Variants in ZYG11B observed in about 807,000 individuals in gnomAD.
ZYG11B encodes zyg-11 family member B, cell cycle regulator.
ZYG11B carries 36 observed loss-of-function variants against 82.4 expected under a neutral mutation model. The observed-to-expected ratio is 0.44, with a 90% CI of 0.33 to 0.58. ZYG11B has a LOEUF of 0.58. ZYG11B is among the 20% of genes least tolerant of loss of function. The pLI is 0.02. For missense variants in ZYG11B, 552 were observed against 895.6 expected, an observed-to-expected ratio of 0.62 and a Z score of 4.90; for synonymous variants, 303 against 312.8, an observed-to-expected ratio of 0.97 and a Z score of 0.33.
intron 12 of ZYG11B, among the ~76,000 whole-genome samples, chr1:52,814,655 G>A (rs1645209024): frequency 6.6e-6 from 1 of 151,948 alleles, no homozygotes; most frequent in African/African-American, 2.4e-5. Context: ...AGTTATGATT[G>A]CATCACTGCA....
intron 1 of ZYG11B, among the ~76,000 whole-genome samples, chr1:52,750,389 C>T (rs186499255): frequency 2.0e-4 from 31 of 152,200 alleles, no homozygotes; most frequent in Admixed American, 1.9e-3. Context: ...TCTCCTGCCT[C>T]AGCCTGCTGA....
intron 2 of ZYG11B, among the ~76,000 whole-genome samples, chr1:52,770,092 A>ATATAT (rs1553259758): frequency 2.7e-3 from 253 of 94,450 alleles, no homozygotes; most frequent in Middle Eastern, 0.023. Context: ...ATATATATAT[A>ATATAT]TTTTTTTTTT....
intron 3 of ZYG11B, among the ~76,000 whole-genome samples, chr1:52,777,134 C>T (rs1409055286): frequency 1.3e-5 from 2 of 151,834 alleles, no homozygotes; most frequent in African/African-American, 4.8e-5. Context: ...TGCTTGAACC[C>T]GGGAAGTAGA....
At chr1:52,727,330 C>G (rs112713636) in intron 1 of ZYG11B, among the ~76,000 whole-genome samples, 2,055 of 152,190 alleles carry the variant, frequency 0.014, 54 homozygotes, top group African/African-American at 0.048. Context: ...TTGCTTCTTC[C>G]TTTTCGTTTT....
intron 1 of ZYG11B, among the ~76,000 whole-genome samples, chr1:52,730,969 T>TA (rs1271289258): frequency 5.3e-5 from 8 of 151,896 alleles, no homozygotes; most frequent in Non-Finnish European, 1.0e-4. Context: ...TTGTAGGAGT[T>TA]ATGTAAAGAA....
chr1:52,771,159 C>T lies in ZYG11B; in HGVS notation c.336C>T (p.Ala112=). Residue 112 remains alanine, a synonymous_variant, in exon 3 of 14, where the codon GCC becomes GCT. Transcript: ENST00000294353. This position sits in a 1 kb window ranked among gnomAD's most constrained non-coding sequence, Gnocchi z 5.4. The part of the protein sequence containing the change: ...FCHHKLVELD[A]TGVNADITIT... Reference sequence around the variant, plus strand: ...ACCACAAGTTAGTGGAACTTGATGCCACAGGTGTGAATGCTGATATCACGA... The same window carrying T: ...ACCACAAGTTAGTGGAACTTGATGCTACAGGTGTGAATGCTGATATCACGA... 2.5e-6 allele frequency: 4 copies of T among 1,614,168 alleles called. No homozygotes were observed. The South Asian group carries it at 3.3e-5, about 13-fold the overall frequency.
chr1:52,820,649 C>A (rs1428814474), intron 13 of ZYG11B, among the ~76,000 whole-genome samples: 2 of 141,352 alleles, frequency 1.4e-5, no homozygotes, highest in African/African-American at 5.3e-5. Flanking sequence ...TGCAGTGAGC[C>A]ATGATCACAC....
intron 2 of ZYG11B, among the ~76,000 whole-genome samples, chr1:52,768,394 C>T (rs886428639): frequency 1.3e-5 from 2 of 152,136 alleles, no homozygotes; most frequent in East Asian, 3.9e-4. Context: ...AGCTCCAGCT[C>T]ACCTTCAGCC....
chr1:52,789,921 T>G, intron 5 of ZYG11B, 82 bp from the exon 6 acceptor site: 1 of 1,005,134 alleles, frequency 9.9e-7, no homozygotes, highest in South Asian at 2.2e-5. Context: ...TCTTCTTTTT[T>G]TTTTTTTATG....
Position 52,738,985 on chromosome 1 carries a change from C to CTTCTTTTTTTTT in ZYG11B, c.30+12304_30+12305insCTTTTTTTTTTT, listed in dbSNP as rs1247210990. Among the ~76,000 whole-genome samples, 48 of 106,278 alleles carry CTTCTTTTTTTTT rather than the reference C, an allele frequency of 4.5e-4. 3 individuals carry two copies. Among genetic ancestry groups the CTTCTTTTTTTTT allele is most frequent in the African/African-American group, 1.1e-3 (27 of 25,190 alleles). The allele number at this position is 106,278 out of a possible 152,430, so 69.7% of individuals were successfully genotyped here. On this transcript the variant is annotated intron_variant, in intron 1 of 13. Transcript: ENST00000294353. ...ATTTTCATTTCATAGGCCCTGTAAC[C>CTTCTTTTTTTTT]TTTTTTTTTTTTTGGAGACAGAGTC...
intron 2 of ZYG11B, among the ~76,000 whole-genome samples, chr1:52,767,183 G>T (rs1221716249): frequency 1.4e-5 from 2 of 142,928 alleles, no homozygotes; most frequent in Non-Finnish European, 3.1e-5. Flanking sequence ...ATTTTGTTAC[G>T]TTATGTTATT....
At chr1:52,776,229 A>AAAAAAAAAAAAAAAATATATAT in intron 3 of ZYG11B, among the ~76,000 whole-genome samples, 37 of 23,532 alleles carry the variant, frequency 1.6e-3, no homozygotes, top group African/African-American at 3.4e-3. Context: ...TAAAAAAAAA[A>AAAAAAAAAAAAAAAATATATAT]ATATATATAT....
intron 13 of ZYG11B, among the ~76,000 whole-genome samples, chr1:52,821,083 C>CT (rs1476209775): frequency 6.8e-6 from 1 of 146,088 alleles, no homozygotes; most frequent in Non-Finnish European, 1.5e-5. Flanking sequence ...GGGCAAGACT[C>CT]TGTCTAAAAA....
At chr1:52,790,119 C>A in intron 6 of ZYG11B, 52 bp downstream of exon 6, 2 of 1,324,466 alleles carry the variant, frequency 1.5e-6, no homozygotes, top group Non-Finnish European at 2.1e-6. Flanking sequence ...TGTTAGAAAT[C>A]TGTCTTGGGT....
rs1645314198 is a variant in ZYG11B at position 52,825,134 on chromosome 1, A to C, written c.*3505A>C. The C allele has an allele frequency of 6.6e-6, 1 of 152,206 alleles. No individual in the cohort carries two copies. The highest frequency in any genetic ancestry group is 1.5e-5 in the Non-Finnish European group (1 of 68,028). 9.4% of individuals were successfully genotyped at this position (152,206 alleles called of 1,614,324 possible). A position where few individuals can be genotyped will look rare whatever the true frequency, so the allele number is the denominator to read the frequency against. On this transcript the variant is annotated 3_prime_UTR_variant, in exon 14 of 14. Coordinates refer to ENST00000294353, the MANE Select transcript of ZYG11B (RefSeq NM_024646.3). ...TATAATGATACATATTGGTATCATTAAGACAACAGATTTGAGCAAATACAA... is the reference window on the plus strand; with the variant it reads ...TATAATGATACATATTGGTATCATTCAGACAACAGATTTGAGCAAATACAA...
At chr1:52,730,858 TAGAAA>T (rs1241989024) in intron 1 of ZYG11B, among the ~76,000 whole-genome samples, 1 of 125,044 alleles carries the variant, frequency 8.0e-6, no homozygotes, top group African/African-American at 3.1e-5. Context: ...AAAAAAAAAA[TAGAAA>T]GGAAAGAAAA....
At chr1:52,752,228 C>A (rs1644532467) in intron 1 of ZYG11B, among the ~76,000 whole-genome samples, 1 of 152,112 alleles carries the variant, frequency 6.6e-6, no homozygotes, top group Non-Finnish European at 1.5e-5. Flanking sequence ...AGAGTGCTCA[C>A]AGAACCCATG....
At chr1:52,746,217 G>A (rs913737281) in intron 1 of ZYG11B, among the ~76,000 whole-genome samples, 6 of 152,126 alleles carry the variant, frequency 3.9e-5, no homozygotes, top group Admixed American at 2.0e-4. Context: ...CCCCCAAAAC[G>A]TTGGGATTAC....
intron 3 of ZYG11B, among the ~76,000 whole-genome samples, chr1:52,778,612 T>C (rs1644828758): frequency 6.6e-6 from 1 of 152,198 alleles, no homozygotes; most frequent in African/African-American, 2.4e-5. Context: ...TTAGCAGTTA[T>C]TGACACTTAG....
Sources: gnomAD v4.1 joint callset for allele counts (sites outside exome capture counted in the v4.1 genomes callset) on GRCh38, gnomAD v4.1.1 for gene constraint, Gnocchi (gnomAD v3.1) non-coding constraint, MANE v1.5 for transcripts, NCBI Gene and HGNC (gene_info 2026-07-23, HGNC 2026-07-21) for gene names.